The following PEPD variants were observed in gnomAD, a reference collection of about 807,000 sequenced individuals.
PEPD encodes xaa-Pro dipeptidase.
A neutral mutation model predicts 60.7 loss-of-function variants in PEPD; 53 were observed. That is an observed-to-expected ratio of 0.87 (90% confidence interval 0.70 to 1.10). The LOEUF is 1.10. Among genes scored for constraint, PEPD ranks in the 50% least tolerant of loss-of-function variants. The probability of loss-of-function intolerance (pLI) is 0.00; values close to 1 mark genes in which losing one functional copy is unlikely to be tolerated. For missense variants in PEPD, 711 were observed against 711.9 expected (o/e 1.00, Z 0.01); for synonymous variants, 267 against 284.1 (o/e 0.94, Z 0.60).
chr19:33,482,582 T>A (rs1970329633), intron 6 of PEPD, among the ~76,000 whole-genome samples: 1 of 152,194 alleles, frequency 6.6e-6, no homozygotes. Context: ...AACTCTGTAC[T>A]GGAGGTTCTA....
chr19:33,521,473 C>T (rs572609608), intron 1 of PEPD, among the ~76,000 whole-genome samples: 204 of 152,346 alleles, frequency 1.3e-3, no homozygotes, highest in African/African-American at 4.1e-3. Context: ...CGACCCCAGC[C>T]CCCACCGCAG....
chr19:33,495,774 T>G (rs1175887903), intron 4 of PEPD, among the ~76,000 whole-genome samples: 1 of 151,928 alleles, frequency 6.6e-6, no homozygotes, highest in Non-Finnish European at 1.5e-5. Flanking sequence ...TCACTTGAGG[T>G]CAGGAGTTCA....
In PEPD at chr19:33,512,680, A is replaced by G. The variant is rs1163872992; in HGVS notation, c.114T>C (p.Pro38=). Residue 38 remains proline, a synonymous_variant, in exon 2 of 15, where the codon CCT becomes CCC. Transcript: ENST00000244137. ...CCACGATGGAGCCGGCCTGCACAGC[A>G]GGGTTCTTCCGCAGCCGCTCACACA... ...QRLCERLRKN[P]AVQAGSIVVL... 6.2e-7 allele frequency: 1 copy of G among 1,613,890 alleles called. No individual in the cohort carries two copies. Among genetic ancestry groups the G allele is most frequent in the Non-Finnish European group, 8.5e-7 (1 of 1,179,992 alleles).
In PEPD at chr19:33,493,480, C is replaced by T. The variant is rs559118485; in HGVS notation, c.394-143G>A. 52 of 719,898 alleles carry T rather than the reference C, an allele frequency of 7.2e-5. No individual in the cohort carries two copies. The East Asian group carries it at 1.1e-3, about 16-fold the overall frequency. The allele number at this position is 719,898 out of a possible 1,614,324, so 44.6% of individuals were successfully genotyped here. A position where few individuals can be genotyped will look rare whatever the true frequency, so the allele number is the denominator to read the frequency against. On this transcript the variant is annotated intron_variant, in intron 4 of 14. Transcript: ENST00000244137. ...CGACGTGGGCGCTGCCCTCACCCTG[C>T]AGGTGAAGAAACCCAGCTTCCCCTG...
At chr19:33,424,020 G>A (rs1461601146) in intron 9 of PEPD, among the ~76,000 whole-genome samples, 1 of 152,196 alleles carries the variant, frequency 6.6e-6, no homozygotes, top group African/African-American at 2.4e-5. Context: ...TGCCCCTTGT[G>A]CGCTGGCTTG....
intron 11 of PEPD, among the ~76,000 whole-genome samples, chr19:33,406,549 T>G (rs1600089785): frequency 6.6e-6 from 1 of 151,864 alleles, no homozygotes; most frequent in South Asian, 2.1e-4. Context: ...AACAGCAAGG[T>G]GGTGGGGGAG....
chr19:33,465,850 T>G (rs1465640916), intron 7 of PEPD, among the ~76,000 whole-genome samples: 1 of 151,980 alleles, frequency 6.6e-6, no homozygotes, highest in Non-Finnish European at 1.5e-5. Context: ...GACAAACTAC[T>G]AACCAAATAC....
At chr19:33,516,182 T>C (rs1568514509) in intron 1 of PEPD, among the ~76,000 whole-genome samples, 3 of 152,210 alleles carry the variant, frequency 2.0e-5, no homozygotes, top group South Asian at 4.1e-4. Flanking sequence ...TGATTTCCCA[T>C]GGCATAAACC....
chr19:33,418,016 G>T (rs1261647202), intron 9 of PEPD, among the ~76,000 whole-genome samples: 2 of 152,190 alleles, frequency 1.3e-5, no homozygotes, highest in Non-Finnish European at 2.9e-5. Context: ...GACAGAGGGG[G>T]CCTGTGCCCA....
At chr19:33,458,231 G>A (rs1325311155) in intron 9 of PEPD, among the ~76,000 whole-genome samples, 1 of 151,626 alleles carries the variant, frequency 6.6e-6, no homozygotes, top group Non-Finnish European at 1.5e-5. Flanking sequence ...TGTGGTGTGT[G>A]GCTGTATGTG....
intron 9 of PEPD, among the ~76,000 whole-genome samples, chr19:33,458,768 A>G (rs1377391364): frequency 5.3e-3 from 12 of 2,250 alleles, no homozygotes; most frequent in Non-Finnish European, 8.0e-3. Flanking sequence ...TGTGTATGGT[A>G]TGTGTGGGGG....
intron 9 of PEPD, among the ~76,000 whole-genome samples, chr19:33,459,662 C>A (rs1198795362): frequency 1.4e-5 from 2 of 142,778 alleles, no homozygotes; most frequent in African/African-American, 5.4e-5. Context: ...TAAATGCCAT[C>A]CGCTCGCTCA....
chr19:33,517,146 ACTCCAGC>A (rs1971037866), intron 1 of PEPD, among the ~76,000 whole-genome samples: 1 of 151,734 alleles, frequency 6.6e-6, no homozygotes, highest in Non-Finnish European at 1.5e-5. Context: ...GCAACACTAC[ACTCCAGC>A]CTGGGGGACA....
intron 3 of PEPD, among the ~76,000 whole-genome samples, chr19:33,506,017 C>T (rs545894039): frequency 1.5e-4 from 22 of 147,384 alleles, no homozygotes; most frequent in African/African-American, 5.5e-4. Flanking sequence ...CCTCATCATA[C>T]CCTACACACT....
intron 9 of PEPD, among the ~76,000 whole-genome samples, chr19:33,448,873 T>C (rs1568477250): frequency 6.6e-6 from 1 of 152,222 alleles, no homozygotes; most frequent in Non-Finnish European, 1.5e-5. Flanking sequence ...AAATAAAGTG[T>C]TAAAATACCT....
intron 1 of PEPD, among the ~76,000 whole-genome samples, chr19:33,519,926 G>A (rs778425938): frequency 6.6e-6 from 1 of 152,126 alleles, no homozygotes; most frequent in Non-Finnish European, 1.5e-5. Context: ...AATTAGCTGA[G>A]TGTGGTGGCA....
At chr19:33,520,274 C>A (rs1208444754) in intron 1 of PEPD, among the ~76,000 whole-genome samples, 2 of 152,166 alleles carry the variant, frequency 1.3e-5, no homozygotes, top group Non-Finnish European at 2.9e-5. Flanking sequence ...CACAGCTGGG[C>A]ACCAGCCTGC....
intron 9 of PEPD, among the ~76,000 whole-genome samples, chr19:33,458,085 G>A (rs1426845059): frequency 6.6e-6 from 1 of 152,082 alleles, no homozygotes; most frequent in Non-Finnish European, 1.5e-5. Flanking sequence ...TGTAGTGTGT[G>A]TATGGGGATG....
rs1357295666 is a variant in PEPD at position 33,512,750 on chromosome 19, G to A, written c.44C>T (p.Thr15Ile). 5 of 1,614,026 alleles carry A rather than the reference G, an allele frequency of 3.1e-6. No homozygotes were observed. The highest frequency in any genetic ancestry group is 2.2e-5 in the East Asian group (1 of 44,888). ...AAAGAGCGCCAGCGGCACCTTCAGG[G>A]TTTCATTCCCCAGCCAAAACGAGGG... ...TGPSFWLGNETLKVPLALFAL... is the reference protein window; with the variant it reads ...TGPSFWLGNEILKVPLALFAL... Residue 15 changes from threonine (T) to isoleucine (I), a missense_variant, in exon 2 of 15, where the codon ACC (threonine) becomes ATC (isoleucine). Coordinates refer to ENST00000244137, the MANE Select transcript of PEPD (RefSeq NM_000285.4).
Sources: gnomAD v4.1 joint callset for allele counts (sites outside exome capture counted in the v4.1 genomes callset) on GRCh38, gnomAD v4.1.1 for gene constraint, MANE v1.5 for transcripts, NCBI Gene and HGNC (gene_info 2026-07-23, HGNC 2026-07-21) for gene names.